ZBTB10: variants seen among roughly 807,000 people sequenced by gnomAD.
The protein encoded by ZBTB10 is zinc finger and BTB domain-containing protein 10.
Under a neutral mutation model 76.4 loss-of-function variants are expected in ZBTB10, and 32 were observed. The observed-to-expected ratio is 0.42, with a 90% confidence interval of 0.32 to 0.56. The LOEUF is 0.56. Ranked by LOEUF, ZBTB10 falls within the 20% of genes least tolerant of loss-of-function variation. The pLI is 0.14. For synonymous variants in ZBTB10, 523 were observed against 432.9 expected, an observed-to-expected ratio of 1.21 and a Z score of -2.58; for missense variants, 1,057 against 1,098.5, an observed-to-expected ratio of 0.96 and a Z score of 0.53.
intron 2 of ZBTB10, 57 bp downstream of exon 2, chr8:80,500,439 A>T: frequency 7.2e-7 from 1 of 1,390,830 alleles, no homozygotes; most frequent in Non-Finnish European, 9.5e-7. Context: ...AGTTGGATAT[A>T]ATCTTGAAGT....
intron 1 of ZBTB10, 33 bp downstream of exon 1, chr8:80,487,815 T>A: frequency 1.3e-6 from 2 of 1,519,766 alleles, no homozygotes; most frequent in Non-Finnish European, 1.8e-6. Flanking sequence ...TTTTTTGAGA[T>A]CTTTTAGGGA....
chr8:80,519,130 C>T, intron 5 of ZBTB10, 93 bp from the exon 6 acceptor site: 1 of 1,432,610 alleles, frequency 7.0e-7, no homozygotes, highest in Non-Finnish European at 9.3e-7. Flanking sequence ...GGTGTATTCA[C>T]TCACTATTAA....
chr8:80,518,184 AC>A (rs1001154247), intron 3 of ZBTB10, among the ~76,000 whole-genome samples: 2 of 150,732 alleles, frequency 1.3e-5, no homozygotes, highest in African/African-American at 5.0e-5. Context: ...AATTTTTTTA[AC>A]TGAATTTCTT....
Position 80,520,479 on chromosome 8 carries a change from A to G in ZBTB10, c.*951A>G, listed in dbSNP as rs1816425774. 1.3e-5 allele frequency: 2 copies of G among 152,520 alleles called. No homozygotes were observed. The highest frequency in any genetic ancestry group is 2.9e-5 in the Non-Finnish European group (2 of 67,954). The allele number at this position is 152,520 out of a possible 1,614,324, so 9.4% of individuals were successfully genotyped here. A position where few individuals can be genotyped will look rare whatever the true frequency, so the allele number is the denominator to read the frequency against. ...CCTAATTGAAAGAAAAATCATAGAAATAAGTAAAATGATTTGTTTTATAAT... is the reference window on the plus strand; with the variant it reads ...CCTAATTGAAAGAAAAATCATAGAAGTAAGTAAAATGATTTGTTTTATAAT... On this transcript the variant is annotated 3_prime_UTR_variant, in exon 6 of 6. Transcript: ENST00000455036.
At chr8:80,511,362 A>G (rs542010742) in intron 2 of ZBTB10, among the ~76,000 whole-genome samples, 4 of 152,312 alleles carry the variant, frequency 2.6e-5, no homozygotes, top group Non-Finnish European at 5.9e-5. Context: ...CATAAATAGA[A>G]ACCTGTATTT....
Position 80,487,034 on chromosome 8 carries a change from A to C in ZBTB10, c.224A>C (p.Gln75Pro). The change falls in exon 1 of 6, where the codon CAA becomes CCA. Residue 75 changes from glutamine (Q) to proline (P), a missense_variant. Around this residue, in one of 5 missense-constraint regions of ZBTB10, gnomAD observed 556 missense variants for 451.7 expected, o/e 1.23. Transcript: ENST00000455036. ...EEVELEGLEP[Q>P]DLEASAGPAA... Reference sequence around the variant, plus strand: ...GTGGAATTGGAGGGCCTGGAGCCCCAAGACCTGGAGGCCTCCGCCGGGCCG... The same window carrying C: ...GTGGAATTGGAGGGCCTGGAGCCCCCAGACCTGGAGGCCTCCGCCGGGCCG... 1 of 1,520,098 alleles carries C rather than the reference A, an allele frequency of 6.6e-7. No individual in the cohort carries two copies. The highest frequency in any genetic ancestry group is 8.8e-7 in the Non-Finnish European group (1 of 1,140,094). The allele number at this position is 1,520,098 out of a possible 1,614,324, so 94.2% of individuals were successfully genotyped here.
chr8:80,518,034 A>G (rs957333517), intron 3 of ZBTB10, among the ~76,000 whole-genome samples: 1 of 151,256 alleles, frequency 6.6e-6, no homozygotes, highest in Non-Finnish European at 1.5e-5. Context: ...AATTTTTAAA[A>G]TTTTTTTGTA....
chr8:80,510,870 G>C (rs1212173985), intron 2 of ZBTB10, among the ~76,000 whole-genome samples: 1 of 152,108 alleles, frequency 6.6e-6, no homozygotes, highest in South Asian at 2.1e-4. Flanking sequence ...TTGTAATCTT[G>C]TAATTTTAGA....
chr8:80,516,176 C>G (rs1176076806), intron 3 of ZBTB10, among the ~76,000 whole-genome samples: 4 of 152,176 alleles, frequency 2.6e-5, no homozygotes, highest in Non-Finnish European at 4.4e-5. Context: ...CTCCCACAGC[C>G]TCTCAAATTA....
At chr8:80,506,164 A>T (rs1816047034) in intron 2 of ZBTB10, among the ~76,000 whole-genome samples, 1 of 152,036 alleles carries the variant, frequency 6.6e-6, no homozygotes, top group Admixed American at 6.6e-5. Flanking sequence ...AGCCTCCCTA[A>T]TGGGAAAGAA....
chr8:80,493,643 C>T (rs1176171189), intron 1 of ZBTB10, among the ~76,000 whole-genome samples: 1 of 150,816 alleles, frequency 6.6e-6, no homozygotes, highest in Non-Finnish European at 1.5e-5. Context: ...ATGGAGAAAC[C>T]CCGTCTCTAA....
At chr8:80,510,586 A>G (rs1816162121) in intron 2 of ZBTB10, among the ~76,000 whole-genome samples, 1 of 151,902 alleles carries the variant, frequency 6.6e-6, no homozygotes, top group Non-Finnish European at 1.5e-5. Flanking sequence ...AATATTACAT[A>G]CCACTCATGT....
chr8:80,493,518 T>G (rs1220081097), intron 1 of ZBTB10, among the ~76,000 whole-genome samples: 1 of 151,646 alleles, frequency 6.6e-6, no homozygotes, highest in Admixed American at 6.6e-5. Context: ...TGGCAGGATG[T>G]TATAATAACC....
chr8:80,499,552 A>G lies in ZBTB10; in HGVS notation c.1031A>G (p.Asn344Ser). The change falls in exon 2 of 6, where the codon AAC (asparagine) becomes AGC (serine). Residue 344 changes from asparagine (N) to serine (S), a missense_variant. Transcript: ENST00000455036. ...YCDFNSRPNE[N>S]SYCYQLLRQL... The stretch of plus-strand genomic sequence containing the variant: ...GACTTTAATAGTAGGCCAAATGAGA[A>G]CTCTTATTGCTATCAACTTCTGCGA... 2.5e-6 allele frequency: 4 copies of G among 1,613,664 alleles called. No homozygotes were observed. The highest frequency in any genetic ancestry group is 3.4e-6 in the Non-Finnish European group (4 of 1,179,772).
chr8:80,487,725 C>T lies in ZBTB10; in HGVS notation c.915C>T (p.Thr305=), dbSNP rs368014947. ...GAGGGACCCGCAACTACAAGAAAAC[C>T]CTCCTCCTGAGGCACCACGTCTCTA... The part of the protein sequence containing the change: ...LSRGTRNYKK[T]LLLRHHVSTE... Residue 305 remains threonine, a synonymous_variant, in exon 1 of 6, where the codon ACC becomes ACT. Transcript: ENST00000455036. 3.1e-6 allele frequency: 5 copies of T among 1,613,396 alleles called. No individual in the cohort carries two copies. The highest frequency in any genetic ancestry group is 1.1e-5 in the South Asian group (1 of 91,034).
In ZBTB10 at chr8:80,525,293, A is replaced by C. The variant is rs948486617; in HGVS notation, c.*5765A>C. ...TTAAAGAAAGAAAGTGAACTATAGA[A>C]ATCTATTCAGCTAATTAAAGTGAAT... On this transcript the variant is annotated 3_prime_UTR_variant, in exon 6 of 6. Coordinates refer to ENST00000455036, the MANE Select transcript of ZBTB10 (RefSeq NM_001105539.3). 1.3e-5 allele frequency: 2 copies of C among 152,136 alleles called. No individual in the cohort carries two copies. Among genetic ancestry groups the C allele is most frequent in the African/African-American group, 4.8e-5 (2 of 41,442 alleles). 9.4% of individuals were successfully genotyped at this position (152,136 alleles called of 1,614,324 possible). A position where few individuals can be genotyped will look rare whatever the true frequency, so the allele number is the denominator to read the frequency against.
intron 2 of ZBTB10, among the ~76,000 whole-genome samples, chr8:80,508,147 A>G (rs1334656074): frequency 6.6e-6 from 1 of 152,212 alleles, no homozygotes; most frequent in Non-Finnish European, 1.5e-5. Context: ...AAGTGGTCAG[A>G]ATAAAGCTGA....
intron 2 of ZBTB10, among the ~76,000 whole-genome samples, chr8:80,511,185 T>C (rs577132399): frequency 6.6e-6 from 1 of 152,328 alleles, no homozygotes; most frequent in African/African-American, 2.4e-5. Flanking sequence ...AAGACAAATA[T>C]ACTTGATATT....
chr8:80,513,895 A>C lies in ZBTB10; in HGVS notation c.1862-15A>C. ...GTGTGGTTTGTAGATAAATTTTTCT[A>C]TGTTTCCTTTTCAGATTTAGATGGT... On this transcript the variant is annotated splice_polypyrimidine_tract_variant and intron_variant, in intron 2 of 5. Coordinates refer to ENST00000455036, the MANE Select transcript of ZBTB10 (RefSeq NM_001105539.3). The C allele has an allele frequency of 6.2e-7, 1 of 1,610,370 alleles. No homozygotes were observed. The highest frequency in any genetic ancestry group is 2.2e-5 in the East Asian group (1 of 44,816).
Sources: gnomAD v4.1 joint callset for allele counts (sites outside exome capture counted in the v4.1 genomes callset) on GRCh38, gnomAD v4.1.1 for gene constraint, gnomAD v4.1.1 regional missense constraint, MANE v1.5 for transcripts, NCBI Gene and HGNC (gene_info 2026-07-23, HGNC 2026-07-21) for gene names.